AFF2: variants seen among roughly 807,000 people sequenced by gnomAD.
AFF2 encodes the protein ALF transcription elongation factor 2.
A neutral mutation model predicts 76.9 loss-of-function variants in AFF2; 14 were observed. The observed-to-expected ratio is 0.18, with a 90% confidence interval of 0.12 to 0.28. AFF2 has a LOEUF of 0.28. AFF2 is among the 10% of genes least tolerant of loss of function. AFF2 has a pLI of 1.00. For synonymous variants in AFF2, 398 were observed against 366.7 expected (o/e 1.09, Z -0.98); for missense variants, 868 against 1,001.1 (o/e 0.87, Z 1.79).
intron 1 of AFF2, among the ~76,000 whole-genome samples, chrX:148,570,988 G>A (rs782217170): frequency 1.8e-5 from 2 of 111,579 alleles, no homozygotes; most frequent in African/African-American, 3.3e-5. Context: ...CTTGATCACC[G>A]CTGAAAGATC....
chrX:148,793,845 C>T (rs2069932899), intron 3 of AFF2, among the ~76,000 whole-genome samples: 1 of 111,596 alleles, frequency 9.0e-6, no homozygotes, highest in Non-Finnish European at 1.9e-5. Context: ...TATATAATCC[C>T]CGGGGCCTTT....
chrX:148,802,965 TGA>T (rs2124634467), intron 3 of AFF2, among the ~76,000 whole-genome samples: 1 of 111,872 alleles, frequency 8.9e-6, no homozygotes, highest in East Asian at 2.8e-4. Flanking sequence ...TCTTTTATTA[TGA>T]GAGATTATTA....
At chrX:148,522,288 GGCTTGT>G (rs1274597235) in intron 1 of AFF2, among the ~76,000 whole-genome samples, 1 of 112,518 alleles carries the variant, frequency 8.9e-6, no homozygotes, top group Non-Finnish European at 1.9e-5. Context: ...TCCCAGAGGG[GGCTTGT>G]GCATGCATTT....
At chrX:148,969,013 C>T (rs1174348801) in intron 15 of AFF2, among the ~76,000 whole-genome samples, 1 of 112,727 alleles carries the variant, frequency 8.9e-6, no homozygotes. Context: ...GGTTAGGGAG[C>T]ATACACATGT....
chrX:148,645,634 G>A (rs139883565), intron 1 of AFF2, among the ~76,000 whole-genome samples: 61 of 112,478 alleles, frequency 5.4e-4, no homozygotes, highest in African/African-American at 1.9e-3. Flanking sequence ...AGATGACAAC[G>A]TCTTCTTGAG....
chrX:148,714,908 A>G (rs1046253468), intron 3 of AFF2, among the ~76,000 whole-genome samples: 1 of 111,976 alleles, frequency 8.9e-6, no homozygotes, highest in African/African-American at 3.2e-5. Flanking sequence ...TAGGCCAAGT[A>G]GGTCACAGTC....
intron 9 of AFF2, among the ~76,000 whole-genome samples, chrX:148,943,709 G>A (rs2071867611): frequency 8.9e-6 from 1 of 112,222 alleles, no homozygotes; most frequent in Admixed American, 9.4e-5. Context: ...CAATAGGGAT[G>A]TTAAGTGCCT....
At chrX:148,641,180 A>C (rs887808059) in intron 1 of AFF2, among the ~76,000 whole-genome samples, 3 of 111,463 alleles carry the variant, frequency 2.7e-5, no homozygotes, top group Non-Finnish European at 5.6e-5. Context: ...ATATCCAGTA[A>C]GTGTTTGTTG....
intron 1 of AFF2, among the ~76,000 whole-genome samples, chrX:148,621,401 A>G (rs782715916): frequency 3.6e-5 from 4 of 110,525 alleles, no homozygotes; most frequent in Non-Finnish European, 5.7e-5. Context: ...ATCCATTTCC[A>G]GTTTAAGTTT....
At position 148,597,673 on chromosome X, in the gene AFF2, G is replaced by A. The variant is rs782686243; in HGVS notation, c.48-54326G>A. Among the ~76,000 whole-genome samples, 12 of 111,843 alleles carry A rather than the reference G, an allele frequency of 1.1e-4. No individual in the cohort carries two copies. In the South Asian group the frequency reaches 4.5e-3, roughly 42 times the overall value. On this transcript the variant is annotated intron_variant, in intron 1 of 20. Transcript: ENST00000370460. ...AAACAGAACTACGTTTCATGCAGTA[G>A]CTAATTAAGCAATAAGACACAATGG...
At chrX:148,701,012 A>AAAATG (rs782232655) in intron 3 of AFF2, among the ~76,000 whole-genome samples, 1 of 73,743 alleles carries the variant, frequency 1.4e-5, no homozygotes, top group Non-Finnish European at 2.5e-5. Context: ...GAGAGAGAGA[A>AAAATG]TGTGTGTGTG....
In AFF2 at chrX:148,963,334, C is replaced by T. The variant is rs782265202; in HGVS notation, c.2913+397C>T. 6.3e-5 allele frequency among the ~76,000 whole-genome samples: 7 copies of T among 111,688 alleles called. No homozygotes were observed. In the East Asian group the frequency reaches 2.0e-3, roughly 31 times the overall value. On this transcript the variant is annotated intron_variant, in intron 13 of 20. Transcript: ENST00000370460. ...TGAGCAACCAGTGCCTCTTCTTGGG[C>T]CATTCTTTCTATTAATGATTTGAAA...
chrX:148,604,283 C>A (rs2053653424), intron 1 of AFF2, among the ~76,000 whole-genome samples: 1 of 112,389 alleles, frequency 8.9e-6, no homozygotes, highest in South Asian at 3.6e-4. Context: ...TTGTAAAGTA[C>A]AAATAGTATA....
At position 148,608,683 on chromosome X, in the gene AFF2, TA is replaced by T. The variant is rs1224721559; in HGVS notation, c.48-43303del. On this transcript the variant is annotated intron_variant, in intron 1 of 20. Transcript: ENST00000370460. ...TACTCATGCCCGCATGCCAGCTAGTTAAAAAAAAAAAAATTGATAGAGACGG... is the reference window on the plus strand; with the variant it reads ...TACTCATGCCCGCATGCCAGCTAGTTAAAAAAAAAAAATTGATAGAGACGG... 5.4e-3 allele frequency among the ~76,000 whole-genome samples: 541 copies of T among 101,086 alleles called. 2 individuals carry two copies. The highest frequency in any genetic ancestry group is 0.015 in the African/African-American group (417 of 27,928). The allele number at this position is 101,086 out of a possible 115,157, so 87.8% of individuals were successfully genotyped here.
At chrX:148,829,006 AC>A (rs2070421131) in intron 4 of AFF2, among the ~76,000 whole-genome samples, 1 of 112,051 alleles carries the variant, frequency 8.9e-6, no homozygotes, top group African/African-American at 3.2e-5. Flanking sequence ...TGTGAGCTGA[AC>A]TTTTTGCATG....
intron 7 of AFF2, among the ~76,000 whole-genome samples, chrX:148,876,709 G>T (rs1368973312): frequency 3.6e-5 from 4 of 111,372 alleles, no homozygotes; most frequent in African/African-American, 6.5e-5. Flanking sequence ...GGGATGTCTG[G>T]TGGTGTAGGG....
chrX:148,533,121 C>A (rs1364561545), intron 1 of AFF2, among the ~76,000 whole-genome samples: 3 of 111,239 alleles, frequency 2.7e-5, no homozygotes, highest in African/African-American at 9.8e-5. Flanking sequence ...GTGGCTTTTG[C>A]AAATGTAAAG....
intron 3 of AFF2, among the ~76,000 whole-genome samples, chrX:148,777,818 C>T (rs2069687506): frequency 8.9e-6 from 1 of 112,169 alleles, no homozygotes; most frequent in South Asian, 3.7e-4. Context: ...TTGACTTCCT[C>T]TCTTCCTATT....
chrX:148,727,105 T>C (rs1182957157), intron 3 of AFF2, among the ~76,000 whole-genome samples: 2 of 112,288 alleles, frequency 1.8e-5, no homozygotes, highest in African/African-American at 6.5e-5. Flanking sequence ...TATTTAAGCA[T>C]AATAAAATGG....
Sources: gnomAD v4.1 joint callset for allele counts (sites outside exome capture counted in the v4.1 genomes callset) on GRCh38, gnomAD v4.1.1 for gene constraint, MANE v1.5 for transcripts, NCBI Gene and HGNC (gene_info 2026-07-23, HGNC 2026-07-21) for gene names.